Variants in AKTIP observed in about 807,000 individuals in gnomAD.
The protein encoded by AKTIP is AKT interacting protein.
In AKTIP, 16 loss-of-function variants were observed where a neutral mutation model predicts 39.1. The observed-to-expected ratio is 0.41, with a 90% CI of 0.28 to 0.62. AKTIP has a LOEUF of 0.62. Ranked by LOEUF, AKTIP falls within the 20% of genes least tolerant of loss-of-function variation. The probability of loss-of-function intolerance (pLI) is 0.32; values close to 1 mark genes in which losing one functional copy is unlikely to be tolerated. For synonymous variants in AKTIP, 93 were observed against 124.3 expected (o/e 0.75, Z 1.67); for missense variants, 262 against 356.6 (o/e 0.73, Z 2.14).
intron 1 of AKTIP, among the ~76,000 whole-genome samples, chr16:53,502,348 G>A (rs1962217473): frequency 6.6e-6 from 1 of 152,206 alleles, no homozygotes; most frequent in African/African-American, 2.4e-5. Context: ...CTTGTCACTT[G>A]GAAACAATTT....
rs540691372 is a variant in AKTIP at position 53,492,757 on chromosome 16, A to C, written c.711-4T>G. On this transcript the variant is annotated splice_polypyrimidine_tract_variant and splice_region_variant and intron_variant, in intron 8 of 9. Transcript: ENST00000394657. ...AGAAGGATTCCATGGAGAAAAGCTT[A>C]AGGAAGAGAAAAGTATTTAAAAACT... 1.9e-6 allele frequency: 3 copies of C among 1,612,846 alleles called. No homozygotes were observed. The South Asian group carries it at 3.3e-5, about 18-fold the overall frequency.
intron 1 of AKTIP, chr16:53,501,513 T>A (rs1053771555): frequency 2.6e-5 from 4 of 152,200 alleles, no homozygotes; most frequent in African/African-American, 9.7e-5. Flanking sequence ...CCCCCCAGGC[T>A]CTGTTACCTT....
chr16:53,496,944 T>G (rs1415888429), intron 3 of AKTIP, among the ~76,000 whole-genome samples: 1 of 152,152 alleles, frequency 6.6e-6, no homozygotes, highest in African/African-American at 2.4e-5. Flanking sequence ...TAGCCGGGAC[T>G]ATAGGTCTGC....
At chr16:53,497,831 C>T (rs987568845) in intron 3 of AKTIP, among the ~76,000 whole-genome samples, 1 of 152,242 alleles carries the variant, frequency 6.6e-6, no homozygotes, top group Non-Finnish European at 1.5e-5. Flanking sequence ...CTCACTGCAA[C>T]CTCCACCTCC....
chr16:53,493,761 C>G (rs1197182217), intron 8 of AKTIP: 1 of 214,154 alleles, frequency 4.7e-6, no homozygotes, highest in Non-Finnish European at 9.5e-6. Flanking sequence ...ACCATTCTCA[C>G]ACTATTCAGT....
rs1961749442 is a variant in AKTIP, at chr16:53,495,118, C to T, written c.369G>A (p.Lys123=). 2 of 1,614,086 alleles carry T rather than the reference C, an allele frequency of 1.2e-6. No individual in the cohort carries two copies. Among genetic ancestry groups the T allele is most frequent in the Non-Finnish European group, 1.7e-6 (2 of 1,180,044 alleles). ...AGTTATCAGGGATGTAAACTGTAAACTTAAATACGCCATCTTGGTAAAGTC... is the reference window on the plus strand; with the variant it reads ...AGTTATCAGGGATGTAAACTGTAAATTTAAATACGCCATCTTGGTAAAGTC... ...RHGLYQDGVF[K]FTVYIPDNYP... is the part of the protein sequence containing the mutation. The change falls in exon 5 of 10, where the codon AAG becomes AAA. Residue 123 remains lysine (K), a synonymous_variant. Coordinates refer to ENST00000394657, the MANE Select transcript of AKTIP (RefSeq NM_022476.4).
At position 53,491,820 on chromosome 16, in the gene AKTIP, AG is replaced by A. The variant is rs2054303857; in HGVS notation, c.*591del. 1 of 106,446 alleles carries A rather than the reference AG, an allele frequency of 9.4e-6. No homozygotes were observed. Among genetic ancestry groups the A allele is most frequent in the Non-Finnish European group, 2.1e-5 (1 of 48,150 alleles). 6.6% of individuals were successfully genotyped at this position (106,446 alleles called of 1,614,324 possible). The stretch of plus-strand genomic sequence containing the variant: ...TTTCTCCCTCCTGCCATAAAAATAC[AG>A]TAAGTAATTTGCTTAAAAAAAACAA... On this transcript the variant is annotated 3_prime_UTR_variant, in exon 10 of 10. Coordinates refer to ENST00000394657, the MANE Select transcript of AKTIP (RefSeq NM_022476.4).
chr16:53,499,789 T>G (rs2150868760), intron 2 of AKTIP, among the ~76,000 whole-genome samples: 1 of 152,272 alleles, frequency 6.6e-6, no homozygotes, highest in African/African-American at 2.4e-5. Context: ...GTTTGCCTAT[T>G]TTAACCTTTC....
chr16:53,503,677 C>G (rs1962322458), upstream of AKTIP, among the ~76,000 whole-genome samples: 2 of 152,188 alleles, frequency 1.3e-5, no homozygotes. Context: ...GCAAGCCAAG[C>G]TTTTGGGGAG....
intron 1 of AKTIP, 25 bp from the exon 2 acceptor site, chr16:53,500,354 G>C: frequency 6.7e-7 from 1 of 1,499,356 alleles, no homozygotes; most frequent in Admixed American, 2.1e-5. Flanking sequence ...GGAAGACATA[G>C]AAACATGCCA....
upstream of AKTIP, chr16:53,503,244 G>T (rs921588926): frequency 5.3e-5 from 3 of 56,526 alleles, no homozygotes; most frequent in Non-Finnish European, 1.2e-4. Context: ...CTTGATCCCC[G>T]CCCCGCCCCA....
Position 53,500,223 on chromosome 16 carries a change from G to A in AKTIP, c.37C>T (p.Arg13Cys), listed in dbSNP as rs779924211. Reference protein sequence around the residue: ...PFWSMSTSSVRKRSEGEEKTL... With the variant: ...PFWSMSTSSVCKRSEGEEKTL... The stretch of plus-strand genomic sequence containing the variant: ...AATTTATCAACTATACCTACTTTGC[G>A]TACAGAGCTTGTAGACATGCTCCAG... The change falls in exon 2 of 10, where the codon CGC becomes TGC. Residue 13 changes from arginine to cysteine, a missense_variant. This residue lies in a region of AKTIP where 88 missense variants were observed against 132.1 expected (regional missense o/e 0.67). Transcript: ENST00000394657. 56 of 1,610,512 alleles carry A rather than the reference G, an allele frequency of 3.5e-5. No individual in the cohort carries two copies. Among genetic ancestry groups the A allele is most frequent in the Non-Finnish European group, 4.2e-5 (50 of 1,177,756 alleles).
At chr16:53,500,449 C>T (rs1962102189) in intron 1 of AKTIP, 120 bp from the exon 2 acceptor site, 1 of 478,286 alleles carries the variant, frequency 2.1e-6, no homozygotes, top group Admixed American at 4.4e-5. Context: ...GTGATCTCGG[C>T]TCACTGCAAC....
chr16:53,495,002 A>G, intron 5 of AKTIP, 71 bp downstream of exon 5: 1 of 1,358,872 alleles, frequency 7.4e-7, no homozygotes, highest in Non-Finnish European at 1.1e-6. Context: ...GAAAAGAACC[A>G]GGAAAGCTGT....
At chr16:53,504,022 G>T (rs1330397751), upstream of AKTIP, among the ~76,000 whole-genome samples, 1 of 151,974 alleles carries the variant, frequency 6.6e-6, no homozygotes, top group Non-Finnish European at 1.5e-5. Flanking sequence ...ATCTGTCACA[G>T]TTCGCTGCTG....
intron 3 of AKTIP, among the ~76,000 whole-genome samples, chr16:53,497,330 C>A (rs568829203): frequency 6.6e-6 from 1 of 152,304 alleles, no homozygotes; most frequent in East Asian, 1.9e-4. Flanking sequence ...CTGCAGACCT[C>A]GGTGACCAGT....
At chr16:53,503,811 G>A (rs1230429611), upstream of AKTIP, among the ~76,000 whole-genome samples, 3 of 152,232 alleles carry the variant, frequency 2.0e-5, no homozygotes, top group African/African-American at 7.2e-5. Flanking sequence ...GACACTTGGC[G>A]TGGCATCAAG....
chr16:53,500,277 A>C lies in AKTIP; in HGVS notation c.-18T>G. 1 of 1,611,240 alleles carries C rather than the reference A, an allele frequency of 6.2e-7. No individual in the cohort carries two copies. Among genetic ancestry groups the C allele is most frequent in the Non-Finnish European group, 8.5e-7 (1 of 1,179,108 alleles). ...GGGTTCATAACGTGTATTCCAAACA[A>C]AGAAAGTCAGTGGTGTATCATCCAA... On this transcript the variant is annotated 5_prime_UTR_variant, in exon 2 of 10. Coordinates refer to ENST00000394657, the MANE Select transcript of AKTIP (RefSeq NM_022476.4).
chr16:53,493,898 T>C (rs1961660252), intron 8 of AKTIP: 2 of 502,680 alleles, frequency 4.0e-6, no homozygotes, highest in African/African-American at 1.9e-5. Flanking sequence ...CAAGGATCCC[T>C]GGGAAACCAA....
Sources: gnomAD v4.1 joint callset for allele counts (sites outside exome capture counted in the v4.1 genomes callset) on GRCh38, gnomAD v4.1.1 for gene constraint, gnomAD v4.1.1 regional missense constraint, MANE v1.5 for transcripts, NCBI Gene and HGNC (gene_info 2026-07-23, HGNC 2026-07-21) for gene names.